Variants in FUT9 observed in about 807,000 individuals in gnomAD.
FUT9 encodes 4-galactosyl-N-acetylglucosaminide 3-alpha-L-fucosyltransferase 9.
A neutral mutation model predicts 29.7 loss-of-function variants in FUT9; 15 were observed. That is an observed-to-expected ratio of 0.51 (90% confidence interval 0.34 to 0.78). The LOEUF (loss-of-function observed/expected upper bound fraction) is 0.78, where lower values mean the gene tolerates loss of function less well. Ranked by LOEUF, FUT9 falls within the 30% of genes least tolerant of loss-of-function variation. The pLI is 0.01. For missense variants in FUT9, 319 were observed against 425.4 expected, an observed-to-expected ratio of 0.75 and a Z score of 2.20; for synonymous variants, 169 against 153.7, an observed-to-expected ratio of 1.10 and a Z score of -0.74.
chr6:96,169,244 A>G (rs1354952990), intron 2 of FUT9, among the ~76,000 whole-genome samples: 2 of 152,230 alleles, frequency 1.3e-5, no homozygotes, highest in Non-Finnish European at 2.9e-5. Context: ...CGCTGATATT[A>G]ATTCTAACTT....
At chr6:96,121,289 T>A (rs1014383827) in intron 2 of FUT9, among the ~76,000 whole-genome samples, 23 of 152,316 alleles carry the variant, frequency 1.5e-4, no homozygotes, top group Admixed American at 1.4e-3. Flanking sequence ...GTTCTAAGTC[T>A]ATGCTTCAAA....
At chr6:96,018,158 G>T (rs1003512631) in intron 1 of FUT9, among the ~76,000 whole-genome samples, 1 of 150,614 alleles carries the variant, frequency 6.6e-6, no homozygotes, top group African/African-American at 2.5e-5. Context: ...TATATTTAGG[G>T]CTTGACTGAG....
intron 1 of FUT9, among the ~76,000 whole-genome samples, chr6:96,074,478 G>A (rs1233029610): frequency 6.6e-6 from 1 of 152,060 alleles, no homozygotes; most frequent in Non-Finnish European, 1.5e-5. Flanking sequence ...AAGGCTCTTG[G>A]AAGAAACTAA....
chr6:96,148,672 A>G (rs1384597392), intron 2 of FUT9, among the ~76,000 whole-genome samples: 1 of 152,152 alleles, frequency 6.6e-6, no homozygotes, highest in African/African-American at 2.4e-5. Flanking sequence ...GAGAGTATGT[A>G]TTTTGTAATA....
intron 1 of FUT9, among the ~76,000 whole-genome samples, chr6:96,021,266 T>G (rs1006706981): frequency 2.0e-5 from 3 of 151,942 alleles, no homozygotes; most frequent in Non-Finnish European, 2.9e-5. Context: ...GACAGAGTTT[T>G]TTGTTGTTGT....
At chr6:96,128,659 T>C (rs1213652547) in intron 2 of FUT9, among the ~76,000 whole-genome samples, 2 of 152,142 alleles carry the variant, frequency 1.3e-5, no homozygotes, top group African/African-American at 2.4e-5. Flanking sequence ...TATGCACCAC[T>C]AAGAAGCCTT....
At chr6:96,030,430 T>A (rs1439220611) in intron 1 of FUT9, among the ~76,000 whole-genome samples, 2 of 151,424 alleles carry the variant, frequency 1.3e-5, no homozygotes, top group Non-Finnish European at 3.0e-5. Flanking sequence ...TGTAGACCTA[T>A]TAGAGCAAAA....
At position 96,212,728 on chromosome 6, in the gene FUT9, TA is replaced by T. The variant is rs1234408249; in HGVS notation, c.*8494del. Reference sequence around the variant, plus strand: ...AGGTTAAACATCTTCATTATAATAATATGTCTTATTCTGATTCCAAGACAAT... The same window carrying T: ...AGGTTAAACATCTTCATTATAATAATTGTCTTATTCTGATTCCAAGACAAT... On this transcript the variant is annotated 3_prime_UTR_variant, in exon 3 of 3. Coordinates refer to ENST00000302103, the MANE Select transcript of FUT9 (RefSeq NM_006581.4). 1.1e-5 allele frequency: 2 copies of T among 177,746 alleles called. No homozygotes were observed. Among genetic ancestry groups the T allele is most frequent in the Non-Finnish European group, 2.6e-5 (2 of 75,764 alleles). 11.0% of individuals were successfully genotyped at this position (177,746 alleles called of 1,614,324 possible).
chr6:96,022,882 T>C (rs965977207), intron 1 of FUT9, among the ~76,000 whole-genome samples: 1 of 151,786 alleles, frequency 6.6e-6, no homozygotes, highest in African/African-American at 2.4e-5. Context: ...GTATATCCTG[T>C]ATGTTAAGGA....
intron 1 of FUT9, among the ~76,000 whole-genome samples, chr6:96,080,166 A>G (rs1250621141): frequency 2.6e-5 from 4 of 152,044 alleles, no homozygotes; most frequent in Middle Eastern, 3.7e-3. Flanking sequence ...TATTTTTGCT[A>G]GTTTCTATGA....
intron 2 of FUT9, among the ~76,000 whole-genome samples, chr6:96,153,589 A>G (rs1772722402): frequency 6.6e-6 from 1 of 152,178 alleles, no homozygotes. Flanking sequence ...TTCTGCTACA[A>G]TGGTATCTGA....
In FUT9 at chr6:96,045,482, A is replaced by G. The variant is rs114245570; in HGVS notation, c.-98+29270A>G. The stretch of plus-strand genomic sequence containing the variant: ...TAATATAACCATTTTGTTGATTCCT[A>G]GATAATTTTCAATGACTCTCTTTAT... On this transcript the variant is annotated intron_variant, in intron 1 of 2. Transcript: ENST00000302103. Among the ~76,000 whole-genome samples the G allele has an allele frequency of 2.4e-3, 371 of 152,324 alleles. 1 individual carries two copies. Among genetic ancestry groups the G allele is most frequent in the African/African-American group, 8.5e-3 (355 of 41,574 alleles).
chr6:96,096,776 A>G (rs1440526357), intron 1 of FUT9, among the ~76,000 whole-genome samples: 1 of 151,162 alleles, frequency 6.6e-6, no homozygotes, highest in Non-Finnish European at 1.5e-5. Context: ...TGAAAATTGC[A>G]ACTCCACTCT....
chr6:96,187,372 C>T (rs902671545), intron 2 of FUT9, among the ~76,000 whole-genome samples: 2 of 152,052 alleles, frequency 1.3e-5, no homozygotes, highest in Non-Finnish European at 2.9e-5. Flanking sequence ...GTCAAGGAAC[C>T]ACTGAATTTG....
chr6:96,192,266 A>C lies in FUT9; in HGVS notation c.-8-10882A>C, dbSNP rs146843834. Among the ~76,000 whole-genome samples, 63 of 152,232 alleles carry C rather than the reference A, an allele frequency of 4.1e-4. 1 individual carries two copies. The highest frequency in any genetic ancestry group is 1.4e-3 in the African/African-American group (59 of 41,556). On this transcript the variant is annotated intron_variant, in intron 2 of 2. Transcript: ENST00000302103. ...TAGGAAAAGAGGAAGTCAAATTGTC[A>C]CTGTTTGCAGATGACATGATTGTAT...
chr6:96,025,064 C>A (rs1770139999), intron 1 of FUT9, among the ~76,000 whole-genome samples: 2 of 151,912 alleles, frequency 1.3e-5, no homozygotes, highest in South Asian at 4.1e-4. Flanking sequence ...TGATCCATAA[C>A]CCCCTCCTTT....
At chr6:96,189,111 G>A (rs1322247470) in intron 2 of FUT9, among the ~76,000 whole-genome samples, 1 of 152,032 alleles carries the variant, frequency 6.6e-6, no homozygotes, top group Non-Finnish European at 1.5e-5. Context: ...GACTGTTCGG[G>A]GAAGGTTGGG....
chr6:96,091,482 G>A (rs1216712048), intron 1 of FUT9, among the ~76,000 whole-genome samples: 1 of 152,032 alleles, frequency 6.6e-6, no homozygotes, highest in East Asian at 1.9e-4. Context: ...TTAGACACAA[G>A]TGAAAATATT....
At position 96,101,452 on chromosome 6, in the gene FUT9, G is replaced by T. The variant is rs538420901; in HGVS notation, c.-97-12587G>T. On this transcript the variant is annotated intron_variant, in intron 1 of 2. Coordinates refer to ENST00000302103, the MANE Select transcript of FUT9 (RefSeq NM_006581.4). ...TAATCCCAGCTACTCAGGAGGCTGA[G>T]GCAGGAGAATCACCTGAACCTGGGA... Among the ~76,000 whole-genome samples, 169 of 151,990 alleles carry T rather than the reference G, an allele frequency of 1.1e-3. 1 individual carries two copies. Among genetic ancestry groups the T allele is most frequent in the African/African-American group, 4.1e-3 (169 of 41,472 alleles).
Sources: allele counts gnomAD v4.1 joint callset (sites outside exome capture counted in the v4.1 genomes callset), GRCh38; gene constraint gnomAD v4.1.1; transcripts MANE v1.5; gene names NCBI Gene and HGNC (gene_info 2026-07-23, HGNC 2026-07-21).